LARGE1: variants seen among roughly 807,000 people sequenced by gnomAD.
LARGE1 encodes xylosyl- and glucuronyltransferase LARGE1.
A neutral mutation model predicts 87.6 loss-of-function variants in LARGE1; 43 were observed. The ratio of observed to expected loss-of-function variants is 0.49; its 90% confidence interval spans 0.38 to 0.63. The LOEUF (loss-of-function observed/expected upper bound fraction) is 0.63. Among genes scored for constraint, LARGE1 ranks in the 30% least tolerant of loss-of-function variants. The pLI is 0.00. For missense variants in LARGE1, 802 were observed against 1,000.2 expected (o/e 0.80, Z 2.67); for synonymous variants, 434 against 394.6 (o/e 1.10, Z -1.18).
At chr22:33,079,153 T>G in the LARGE1 span, among the ~76,000 whole-genome samples, 1,424 of 152,022 alleles carry the variant, frequency 9.4e-3, 15 homozygotes, top group South Asian at 0.026. Context: ...GATTAAATGA[T>G]TAAGGTACAT....
chr22:33,584,051 A>G (rs1465951088), intron 5 of LARGE1, among the ~76,000 whole-genome samples: 2 of 152,244 alleles, frequency 1.3e-5, no homozygotes, highest in African/African-American at 4.8e-5. Context: ...TCAAAAAGGT[A>G]TGCCCTTCAT....
In LARGE1 at chr22:33,830,141, G is replaced by A. The variant is rs558879610; in HGVS notation, c.-82-68583C>T. The stretch of plus-strand genomic sequence containing the variant: ...TCTCTGCTCATTTATTAAAGCAACC[G>A]TGTGTGCTCCCACCGTGACACCCAA... On this transcript the variant is annotated intron_variant, in intron 1 of 14. Coordinates refer to ENST00000397394, the MANE Select transcript of LARGE1 (RefSeq NM_133642.5). Among the ~76,000 whole-genome samples, 13 of 152,142 alleles carry A rather than the reference G, an allele frequency of 8.5e-5. No homozygotes were observed. In the South Asian group the frequency reaches 1.0e-3, roughly 12 times the overall value.
chr22:33,640,752 G>C (rs114162427), intron 3 of LARGE1, among the ~76,000 whole-genome samples: 2,057 of 152,276 alleles, frequency 0.014, 40 homozygotes, highest in African/African-American at 0.046. Flanking sequence ...GGTGGAGAAA[G>C]GGGCGTCCAC....
At chr22:33,585,368 G>A (rs1276545732) in intron 5 of LARGE1, among the ~76,000 whole-genome samples, 1 of 152,026 alleles carries the variant, frequency 6.6e-6, no homozygotes, top group Non-Finnish European at 1.5e-5. Flanking sequence ...CGCACACACA[G>A]GCAAAGACAC....
Position 33,310,963 on chromosome 22 carries a change from C to CT in LARGE1, c.1451+5121dup, listed in dbSNP as rs879377119. Among the ~76,000 whole-genome samples, 282 of 140,308 alleles carry CT rather than the reference C, an allele frequency of 2.0e-3. 1 individual carries two copies. Among genetic ancestry groups the CT allele is most frequent in the African/African-American group, 3.1e-3 (119 of 38,640 alleles). The allele number at this position is 140,308 out of a possible 152,430, so 92.0% of individuals were successfully genotyped here. A position where few individuals can be genotyped will look rare whatever the true frequency, so the allele number is the denominator to read the frequency against. ...GCTGTATATGTGAGTGGGGCCCGGA[C>CT]TTTTTTTTTTTTTTTGAGACCGAGT... On this transcript the variant is annotated intron_variant, in intron 11 of 14. Transcript: ENST00000397394.
chr22:33,131,510 T>G, the LARGE1 span, among the ~76,000 whole-genome samples: 3 of 152,346 alleles, frequency 2.0e-5, no homozygotes, highest in South Asian at 6.2e-4. Context: ...AGGGGTTTAA[T>G]GGACTCACAG....
Position 33,274,562 on chromosome 22 carries a change from G to T in LARGE1, c.2136C>A (p.Phe712Leu), listed in dbSNP as rs767177452. The T allele has an allele frequency of 6.2e-7, 1 of 1,614,006 alleles. No homozygotes were observed. The highest frequency in any genetic ancestry group is 8.5e-7 in the Non-Finnish European group (1 of 1,180,024). The change falls in exon 15 of 15, where the codon TTC (phenylalanine) becomes TTA (leucine). Residue 712 changes from phenylalanine (F) to leucine (L), a missense_variant. By Grantham distance (22) the Phe-to-Leu change is conservative. Transcript: ENST00000397394. ...TGTTGGAACGGAACTTGGTAATGTC[G>T]AAGCTGGGGGCATGAGGCATGTGGA... is the stretch of plus-strand genomic sequence containing the variant. ...YMIHMPHAPSFDITKFRSNKQ... is the reference protein window; with the variant it reads ...YMIHMPHAPSLDITKFRSNKQ...
intron 11 of LARGE1, among the ~76,000 whole-genome samples, chr22:33,260,506 C>A (rs577726803): frequency 9.8e-5 from 15 of 152,296 alleles, no homozygotes; most frequent in African/African-American, 3.4e-4. Context: ...CTTATGTCAC[C>A]TTCTCGACCC....
intron 1 of LARGE1, among the ~76,000 whole-genome samples, chr22:33,876,916 C>T (rs945098885): frequency 2.0e-5 from 3 of 151,692 alleles, no homozygotes; most frequent in East Asian, 1.9e-4. Flanking sequence ...TGACTGTCCT[C>T]GGCTCAGGGA....
intron 6 of LARGE1, among the ~76,000 whole-genome samples, chr22:33,553,909 G>A (rs1021943755): frequency 2.0e-5 from 3 of 152,162 alleles, no homozygotes; most frequent in African/African-American, 7.2e-5. Flanking sequence ...TGAGCCCTGT[G>A]TGTCTAAGAA....
At chr22:33,626,091 A>T (rs929030878) in intron 4 of LARGE1, among the ~76,000 whole-genome samples, 153 bp downstream of exon 4, 2 of 152,230 alleles carry the variant, frequency 1.3e-5, no homozygotes, top group Non-Finnish European at 2.9e-5. Flanking sequence ...TTGTTAACAC[A>T]ATCATCTCCT....
intron 6 of LARGE1, among the ~76,000 whole-genome samples, chr22:33,547,306 T>A (rs28368583): frequency 0.043 from 6,493 of 152,226 alleles, 487 homozygotes; most frequent in African/African-American, 0.15. Context: ...TCGATTTTCA[T>A]AAGGTGCATG....
At chr22:33,544,368 T>C (rs2077294060) in intron 6 of LARGE1, among the ~76,000 whole-genome samples, 1 of 152,164 alleles carries the variant, frequency 6.6e-6, no homozygotes, top group Non-Finnish European at 1.5e-5. Context: ...CTTTGCCTCA[T>C]CACAGTTTAG....
At chr22:33,206,982 A>C (rs952078037) in intron 11 of LARGE1, among the ~76,000 whole-genome samples, 4 of 152,186 alleles carry the variant, frequency 2.6e-5, no homozygotes, top group African/African-American at 9.7e-5. Context: ...TCCGGTGCAG[A>C]ACTGCCTTGC....
intron 9 of LARGE1, among the ~76,000 whole-genome samples, chr22:33,366,813 T>G (rs930780341): frequency 2.0e-5 from 3 of 152,214 alleles, no homozygotes; most frequent in African/African-American, 7.2e-5. Context: ...TAATGCACTT[T>G]TTTTTTGTCT....
At chr22:33,604,874 T>C (rs2079210694) in intron 4 of LARGE1, among the ~76,000 whole-genome samples, 1 of 152,104 alleles carries the variant, frequency 6.6e-6, no homozygotes, top group Non-Finnish European at 1.5e-5. Flanking sequence ...AAGTAGAGCA[T>C]GTGTTAACAA....
At chr22:33,553,034 AC>A (rs1372547377) in intron 6 of LARGE1, among the ~76,000 whole-genome samples, 2 of 151,514 alleles carry the variant, frequency 1.3e-5, no homozygotes, top group Non-Finnish European at 2.9e-5. Context: ...TTAGGAGCAA[AC>A]CCCCAACTCC....
At chr22:33,351,887 C>T (rs1043053111) in intron 9 of LARGE1, among the ~76,000 whole-genome samples, 23 of 151,910 alleles carry the variant, frequency 1.5e-4, no homozygotes, top group Admixed American at 1.0e-3. Context: ...TACATGTGCG[C>T]GCCACCACAC....
intron 1 of LARGE1, among the ~76,000 whole-genome samples, chr22:33,780,241 C>T (rs2085376187): frequency 6.6e-6 from 1 of 152,190 alleles, no homozygotes; most frequent in Admixed American, 6.5e-5. Flanking sequence ...TGCAACAACC[C>T]CATTTCCAAA....
Sources: allele counts gnomAD v4.1 joint callset (sites outside exome capture counted in the v4.1 genomes callset), GRCh38; gene constraint gnomAD v4.1.1; transcripts MANE v1.5; gene names NCBI Gene and HGNC (gene_info 2026-07-23, HGNC 2026-07-21).